NAV2: variants seen among roughly 807,000 people sequenced by gnomAD.
The protein encoded by NAV2 is neuron navigator 2.
A neutral mutation model predicts 223.2 loss-of-function variants in NAV2; 54 were observed. The observed-to-expected ratio is 0.24, with a 90% CI of 0.19 to 0.30. The LOEUF (loss-of-function observed/expected upper bound fraction) is 0.30, where lower values mean the gene tolerates loss of function less well. Ranked by LOEUF, NAV2 falls within the 10% of genes least tolerant of loss-of-function variation. The pLI is 1.00. For missense variants in NAV2, 2,806 were observed against 3,147.5 expected (o/e 0.89, Z 2.60); for synonymous variants, 1,279 against 1,239.3 (o/e 1.03, Z -0.67).
At chr11:19,398,488 C>G (rs772460997) in intron 1 of NAV2, among the ~76,000 whole-genome samples, 2 of 152,160 alleles carry the variant, frequency 1.3e-5, no homozygotes, top group Non-Finnish European at 2.9e-5. Flanking sequence ...TCCCTTTAAA[C>G]ATAGCTGGCT....
chr11:19,967,402 T>G (rs527852332), intron 10 of NAV2, among the ~76,000 whole-genome samples: 1 of 32,136 alleles, frequency 3.1e-5, no homozygotes, highest in South Asian at 7.9e-4. Context: ...AAGGCAGAGG[T>G]TTTTTTTTAG....
At chr11:20,005,690 T>A (rs977303888) in intron 11 of NAV2, among the ~76,000 whole-genome samples, 1 of 152,158 alleles carries the variant, frequency 6.6e-6, no homozygotes, top group Non-Finnish European at 1.5e-5. Context: ...GTGAGCTGAA[T>A]GCTCAAAGTA....
chr11:19,646,890 A>C (rs928240435), intron 1 of NAV2, among the ~76,000 whole-genome samples: 1 of 152,182 alleles, frequency 6.6e-6, no homozygotes, highest in Admixed American at 6.5e-5. Flanking sequence ...GATATGACTT[A>C]TACTACAACC....
At chr11:19,356,450 T>C (rs189467259) in intron 1 of NAV2, among the ~76,000 whole-genome samples, 1 of 152,284 alleles carries the variant, frequency 6.6e-6, no homozygotes, top group African/African-American at 2.4e-5. Flanking sequence ...ATGATGAGCT[T>C]AGATATTGTC....
chr11:19,820,427 A>G (rs2152846008), intron 1 of NAV2, among the ~76,000 whole-genome samples: 1 of 152,358 alleles, frequency 6.6e-6, no homozygotes, highest in East Asian at 1.9e-4. Context: ...TGTGGTTAAA[A>G]GTTGTTCAGA....
chr11:20,113,105 G>C (rs1175587770), intron 36 of NAV2, among the ~76,000 whole-genome samples: 2 of 152,206 alleles, frequency 1.3e-5, no homozygotes, highest in Admixed American at 6.5e-5. Flanking sequence ...AGCATGTCCT[G>C]CCACATGGAC....
At chr11:19,486,227 C>T (rs1564977175) in intron 1 of NAV2, among the ~76,000 whole-genome samples, 1 of 152,078 alleles carries the variant, frequency 6.6e-6, no homozygotes, top group Non-Finnish European at 1.5e-5. Context: ...GGCTGGCTGC[C>T]CGGAAACAGG....
intron 11 of NAV2, among the ~76,000 whole-genome samples, chr11:20,030,422 G>A (rs185623952): frequency 5.9e-5 from 9 of 152,112 alleles, no homozygotes; most frequent in East Asian, 1.9e-4. Context: ...GAAGTTTTCC[G>A]TTTTTTATCT....
At chr11:19,388,000 C>T (rs1186700593) in intron 1 of NAV2, among the ~76,000 whole-genome samples, 1 of 152,156 alleles carries the variant, frequency 6.6e-6, no homozygotes, top group African/African-American at 2.4e-5. Flanking sequence ...AGGATCTTCC[C>T]CAAGACCTCC....
intron 9 of NAV2, 126 bp from the exon 10 acceptor site, chr11:19,948,565 G>A (rs1264545093): frequency 2.0e-6 from 2 of 1,009,068 alleles, no homozygotes; most frequent in Admixed American, 3.3e-5. Flanking sequence ...GTGGTACATG[G>A]GGGCTGGCTG....
intron 1 of NAV2, among the ~76,000 whole-genome samples, chr11:19,799,951 G>A (rs193106929): frequency 6.6e-6 from 1 of 152,268 alleles, no homozygotes; most frequent in Non-Finnish European, 1.5e-5. Context: ...GTAATTTGAT[G>A]GAGAAATTAT....
chr11:19,574,840 T>C (rs2134947923), intron 1 of NAV2, among the ~76,000 whole-genome samples: 1 of 152,160 alleles, frequency 6.6e-6, no homozygotes, highest in South Asian at 2.1e-4. Context: ...CCACCTTAGA[T>C]GGGGAGTCAG....
intron 1 of NAV2, among the ~76,000 whole-genome samples, chr11:19,468,546 G>T (rs1852452422): frequency 6.6e-6 from 1 of 151,998 alleles, no homozygotes; most frequent in Non-Finnish European, 1.5e-5. Context: ...TTCTTATAAG[G>T]ACATCACTCA....
chr11:19,431,373 G>T (rs78011491), intron 1 of NAV2, among the ~76,000 whole-genome samples: 2,845 of 152,274 alleles, frequency 0.019, 101 homozygotes, highest in African/African-American at 0.065. Context: ...TTAGTGTGCC[G>T]CAGGAGGAGG....
chr11:19,824,477 G>A (rs185596179), intron 1 of NAV2, among the ~76,000 whole-genome samples: 6 of 152,324 alleles, frequency 3.9e-5, no homozygotes, highest in African/African-American at 9.6e-5. Context: ...CTGAGAAACC[G>A]GAGAGCAGAA....
chr11:19,473,687 C>T (rs1277914265), intron 1 of NAV2, among the ~76,000 whole-genome samples: 1 of 151,930 alleles, frequency 6.6e-6, no homozygotes, highest in South Asian at 2.1e-4. Flanking sequence ...GAAGTGGGTG[C>T]ATGGGATGCT....
chr11:19,781,552 A>G (rs1398052530), intron 1 of NAV2, among the ~76,000 whole-genome samples: 1 of 151,928 alleles, frequency 6.6e-6, no homozygotes, highest in African/African-American at 2.4e-5. Flanking sequence ...CTGACCTTTG[A>G]CCTTTCCCCA....
intron 1 of NAV2, chr11:19,714,317 G>A (rs1686536329): frequency 3.9e-6 from 2 of 517,696 alleles, no homozygotes; most frequent in Non-Finnish European, 3.7e-6. Context: ...GCCAGTATCC[G>A]CAGCAGCAGC....
At chr11:19,777,587 T>G (rs1162282939) in intron 1 of NAV2, 1 of 447,212 alleles carries the variant, frequency 2.2e-6, no homozygotes, top group Non-Finnish European at 4.5e-6. Context: ...CCGCCCCCCA[T>G]CCCCTTTAGG....
Sources: gnomAD v4.1 joint callset for allele counts (sites outside exome capture counted in the v4.1 genomes callset) on GRCh38, gnomAD v4.1.1 for gene constraint, MANE v1.5 for transcripts, NCBI Gene and HGNC (gene_info 2026-07-23, HGNC 2026-07-21) for gene names.